CLOCK: variants seen among roughly 807,000 people sequenced by gnomAD.
CLOCK encodes circadian locomoter output cycles protein kaput.
CLOCK carries 43 observed loss-of-function variants against 118.4 expected under a neutral mutation model. The ratio of observed to expected loss-of-function variants is 0.36; its 90% CI spans 0.28 to 0.47. The LOEUF (loss-of-function observed/expected upper bound fraction) is 0.47. Among genes scored for constraint, CLOCK ranks in the 20% least tolerant of loss-of-function variants. The pLI is 1.00. For missense variants in CLOCK, 846 were observed against 999.9 expected (o/e 0.85, Z 2.08); for synonymous variants, 326 against 339.2 (o/e 0.96, Z 0.43).
At chr4:55,471,598 G>A (rs749133410) in intron 7 of CLOCK, among the ~76,000 whole-genome samples, 1 of 152,216 alleles carries the variant, frequency 6.6e-6, no homozygotes, top group African/African-American at 2.4e-5. Context: ...CAGAAGAGAA[G>A]TCAGAGCAGG....
In CLOCK at chr4:55,442,472, T is replaced by G. The variant is rs756439123; in HGVS notation, c.2065A>C (p.Ser689Arg). The part of the protein sequence containing the change: ...PSSMPQNSTQ[S>R]AAVTTFTQDR... Reference sequence around the variant, plus strand: ...TGAGTGAATGTAGTTACTGCAGCACTCTGGGTGCTGTTTTGTGGCATACTA... The same window carrying G: ...TGAGTGAATGTAGTTACTGCAGCACGCTGGGTGCTGTTTTGTGGCATACTA... The change falls in exon 21 of 23, where the codon AGT becomes CGT. Residue 689 changes from serine (S) to arginine (R), a missense_variant. Physicochemically the swap from Ser to Arg is moderately radical, Grantham distance 110. Around this residue, in one of 4 missense-constraint regions of CLOCK, gnomAD observed 520 missense variants for 558.0 expected, o/e 0.93. Coordinates refer to ENST00000513440, the MANE Select transcript of CLOCK (RefSeq NM_004898.4). The G allele has an allele frequency of 6.2e-7, 1 of 1,607,464 alleles. No homozygotes were observed. Among genetic ancestry groups the G allele is most frequent in the South Asian group, 1.1e-5 (1 of 90,546 alleles).
chr4:55,535,765 G>C (rs1329480068), intron 1 of CLOCK, among the ~76,000 whole-genome samples: 1 of 128,772 alleles, frequency 7.8e-6, no homozygotes, highest in Non-Finnish European at 1.6e-5. Context: ...TTTTGAGATG[G>C]AGTCTTGTTG....
intron 8 of CLOCK, among the ~76,000 whole-genome samples, chr4:55,466,626 T>C (rs1725755244): frequency 6.6e-6 from 1 of 152,214 alleles, no homozygotes; most frequent in Non-Finnish European, 1.5e-5. Context: ...ATGTTTCATA[T>C]TCATAGAGAA....
At chr4:55,473,511 C>T (rs1284516983) in intron 7 of CLOCK, among the ~76,000 whole-genome samples, 1 of 151,992 alleles carries the variant, frequency 6.6e-6, no homozygotes, top group East Asian at 1.9e-4. Flanking sequence ...ATTAATTGTC[C>T]CATCTAAAAT....
intron 2 of CLOCK, among the ~76,000 whole-genome samples, chr4:55,501,102 C>T (rs913840833): frequency 2.0e-5 from 3 of 152,202 alleles, no homozygotes; most frequent in Non-Finnish European, 4.4e-5. Context: ...AATCCTCCCA[C>T]CTCAGCCTGC....
Position 55,478,924 on chromosome 4 carries a change from T to G in CLOCK, c.147A>C (p.Gln49His), listed in dbSNP as rs774002992. The change falls in exon 6 of 23, where the codon CAA becomes CAC. Residue 49 changes from glutamine (Q) to histidine (H), a missense_variant. This residue lies in a region of CLOCK where 246 missense variants were observed against 300.2 expected (regional missense o/e 0.82). Transcript: ENST00000513440. Reference protein sequence around the residue: ...RNKSEKKRRDQFNVLIKELGS... With the variant: ...RNKSEKKRRDHFNVLIKELGS... Reference sequence around the variant, plus strand: ...CCAGTTCTTTAATGAGAACATTAAATTGATCTCTACGTTTCTTTTCAGATT... The same window carrying G: ...CCAGTTCTTTAATGAGAACATTAAAGTGATCTCTACGTTTCTTTTCAGATT... 1.9e-6 allele frequency: 3 copies of G among 1,604,298 alleles called. No homozygotes were observed. Among genetic ancestry groups the G allele is most frequent in the Non-Finnish European group, 2.6e-6 (3 of 1,173,484 alleles).
chr4:55,453,092 C>T lies in CLOCK; in HGVS notation c.1168G>A (p.Gly390Ser), dbSNP rs766157700. The change falls in exon 15 of 23, where the codon GGC becomes AGC. Residue 390 changes from glycine to serine, a missense_variant. Gly to Ser is a moderately conservative substitution (Grantham distance 56, BLOSUM62 0). This residue lies in a region of CLOCK where 520 missense variants were observed against 558.0 expected (regional missense o/e 0.93). Transcript: ENST00000513440. ...EVRAERRREL[G>S]IEESLPETAA... ...GTCTCAGGAAGAGACTCTTCAATGC[C>T]AAGTTCTCGTCGTCTTTCAGCCCTA... is the stretch of plus-strand genomic sequence containing the variant. 1 of 1,612,672 alleles carries T rather than the reference C, an allele frequency of 6.2e-7. No individual in the cohort carries two copies. The highest frequency in any genetic ancestry group is 8.5e-7 in the Non-Finnish European group (1 of 1,179,096).
At chr4:55,459,357 A>C in intron 9 of CLOCK, 96 bp from the exon 10 acceptor site, 1 of 795,908 alleles carries the variant, frequency 1.3e-6, no homozygotes, top group Admixed American at 2.1e-5. Flanking sequence ...GTGTAAGTTT[A>C]CAACCATTAT....
At position 55,430,755 on chromosome 4, in the gene CLOCK, G is replaced by T. The variant is rs922881823; in HGVS notation, c.*4660C>A. ...GTTACTAGCAATCACTTTTAGATTA[G>T]TTCTGTACATCTACTCACACGGATG... On this transcript the variant is annotated 3_prime_UTR_variant, in exon 23 of 23. Transcript: ENST00000513440. The T allele has an allele frequency of 3.3e-5, 5 of 152,152 alleles. No homozygotes were observed. Among genetic ancestry groups the T allele is most frequent in the African/African-American group, 1.2e-4 (5 of 41,442 alleles). 9.4% of individuals were successfully genotyped at this position (152,152 alleles called of 1,614,324 possible).
intron 8 of CLOCK, among the ~76,000 whole-genome samples, chr4:55,466,501 G>A (rs959238490): frequency 6.6e-6 from 1 of 152,126 alleles, no homozygotes; most frequent in Admixed American, 6.5e-5. Context: ...TTTCATTTTT[G>A]AGAATGATTA....
intron 17 of CLOCK, 35 bp downstream of exon 17, chr4:55,449,361 T>A: frequency 6.5e-7 from 1 of 1,529,446 alleles, no homozygotes; most frequent in Non-Finnish European, 9.1e-7. Flanking sequence ...TCTTAATAAA[T>A]CTTTATTCAG....
intron 1 of CLOCK, among the ~76,000 whole-genome samples, chr4:55,524,155 G>A (rs557174024): frequency 1.6e-4 from 24 of 152,200 alleles, no homozygotes; most frequent in African/African-American, 5.8e-4. Flanking sequence ...TTGGGAGGCT[G>A]AGGCGGGCGG....
chr4:55,526,681 G>A (rs1316101858), intron 1 of CLOCK, among the ~76,000 whole-genome samples: 1 of 152,088 alleles, frequency 6.6e-6, no homozygotes, highest in Non-Finnish European at 1.5e-5. Context: ...GGGCACGGTG[G>A]CTCACGCCTG....
At chr4:55,485,834 T>C (rs1422590576) in intron 3 of CLOCK, among the ~76,000 whole-genome samples, 1 of 152,164 alleles carries the variant, frequency 6.6e-6, no homozygotes, top group East Asian at 1.9e-4. Context: ...TTGCATGCCT[T>C]TATCAAAACA....
At position 55,478,836 on chromosome 4, in the gene CLOCK, C is replaced by A. The variant is rs1453609819; in HGVS notation, c.235G>T (p.Asp79Tyr). The part of the protein sequence containing the change: ...DKSTVLQKSI[D>Y]FLRKHKEITA... ...TTACCTTTATGTTTTCGTAAAAAAT[C>A]AATGCTTTTCTGCAGAACAGTAGAT... The change falls in exon 6 of 23, where the codon GAT (aspartate) becomes TAT (tyrosine). Residue 79 changes from aspartate to tyrosine, a missense_variant. Physicochemically the swap from Asp to Tyr is radical, Grantham distance 160. This residue lies in a region of CLOCK where 246 missense variants were observed against 300.2 expected (regional missense o/e 0.82). Coordinates refer to ENST00000513440, the MANE Select transcript of CLOCK (RefSeq NM_004898.4). 1.2e-6 allele frequency: 2 copies of A among 1,612,712 alleles called. No homozygotes were observed. Among genetic ancestry groups the A allele is most frequent in the East Asian group, 2.2e-5 (1 of 44,734 alleles).
At chr4:55,498,325 G>A (rs1728215158) in intron 2 of CLOCK, among the ~76,000 whole-genome samples, 1 of 152,108 alleles carries the variant, frequency 6.6e-6, no homozygotes, top group Non-Finnish European at 1.5e-5. Context: ...CTTTTGTGTA[G>A]CCAAGTAGGC....
intron 1 of CLOCK, among the ~76,000 whole-genome samples, chr4:55,542,478 T>C (rs1210064026): frequency 2.7e-5 from 4 of 150,654 alleles, no homozygotes; most frequent in African/African-American, 9.8e-5. Flanking sequence ...TCTTTCTAGG[T>C]ATCTCCCATA....
At chr4:55,538,992 G>T (rs888377002) in intron 1 of CLOCK, among the ~76,000 whole-genome samples, 22 of 152,162 alleles carry the variant, frequency 1.4e-4, no homozygotes, top group Non-Finnish European at 2.9e-4. Flanking sequence ...AGCACTTTGG[G>T]AGGCCAAGGT....
chr4:55,443,850 T>C lies in CLOCK; in HGVS notation c.1739A>G (p.Gln580Arg). 1 of 1,613,582 alleles carries C rather than the reference T, an allele frequency of 6.2e-7. No individual in the cohort carries two copies. The highest frequency in any genetic ancestry group is 8.5e-7 in the Non-Finnish European group (1 of 1,179,972). The change falls in exon 20 of 23, where the codon CAA (glutamine) becomes CGA (arginine). Residue 580 changes from glutamine (Q) to arginine (R), a missense_variant. Transcript: ENST00000513440. ...ATTAGATGAATTTCCAGAAGAAAGTTGAACGGAACCAAAATTCAACCCAGG... is the reference window on the plus strand; with the variant it reads ...ATTAGATGAATTTCCAGAAGAAAGTCGAACGGAACCAAAATTCAACCCAGG... Reference protein sequence around the residue: ...SNPGLNFGSVQLSSGNSSNIQ... With the variant: ...SNPGLNFGSVRLSSGNSSNIQ...
Sources: gnomAD v4.1 joint callset for allele counts (sites outside exome capture counted in the v4.1 genomes callset) on GRCh38, gnomAD v4.1.1 for gene constraint, gnomAD v4.1.1 regional missense constraint, MANE v1.5 for transcripts, NCBI Gene and HGNC (gene_info 2026-07-23, HGNC 2026-07-21) for gene names.